NR2F2: variants seen among roughly 807,000 people sequenced by gnomAD.
NR2F2 encodes the protein COUP transcription factor 2.
NR2F2 carries 2 observed loss-of-function variants against 34.8 expected under a neutral mutation model. The ratio of observed to expected loss-of-function variants is 0.06; its 90% confidence interval spans 0.02 to 0.18. The LOEUF (loss-of-function observed/expected upper bound fraction) is 0.18, where lower values mean the gene tolerates loss of function less well. Ranked by LOEUF, NR2F2 falls within the 10% of genes least tolerant of loss-of-function variation. NR2F2 has a pLI of 1.00. For missense variants in NR2F2, 300 were observed against 580.1 expected (o/e 0.52, Z 4.96); for synonymous variants, 274 against 251.8 (o/e 1.09, Z -0.84).
At chr15:96,334,711 A>C in intron 2 of NR2F2, 108 bp downstream of exon 2, 3 of 1,260,578 alleles carry the variant, frequency 2.4e-6, no homozygotes, top group Non-Finnish European at 3.3e-6. Flanking sequence ...TTGAAAGGCC[A>C]AACTGTTGAG....
rs1555447012 is a variant in NR2F2, at chr15:96,332,352, G to A, written c.247G>A (p.Gly83Arg). 1 of 1,609,926 alleles carries A rather than the reference G, an allele frequency of 6.2e-7. No homozygotes were observed. The highest frequency in any genetic ancestry group is 8.5e-7 in the Non-Finnish European group (1 of 1,178,044). ...QQQHIECVVCGDKSSGKHYGQ... is the reference protein window; with the variant it reads ...QQQHIECVVCRDKSSGKHYGQ... ...GCAACACATCGAGTGCGTGGTGTGC[G>A]GAGACAAGTCGAGCGGCAAGCACTA... The change falls in exon 1 of 3, where the codon GGA becomes AGA. Residue 83 changes from glycine (G) to arginine (R), a missense_variant. By Grantham distance (125) the Gly-to-Arg change is moderately radical (BLOSUM62 -2). This residue lies in a region of NR2F2 where 13 missense variants were observed against 31.9 expected (regional missense o/e 0.41). Coordinates refer to ENST00000394166, the MANE Select transcript of NR2F2 (RefSeq NM_021005.4).
Position 96,330,784 on chromosome 15 carries a change from T to A in NR2F2, c.-1322T>A. On this transcript the variant is annotated 5_prime_UTR_variant, in exon 1 of 3. Coordinates refer to ENST00000394166, the MANE Select transcript of NR2F2 (RefSeq NM_021005.4). ...TTTTAGCATATTTGATCACTTTGAT[T>A]CTCTGTTCTTTTCTCTCCGCGGTGT... is the stretch of plus-strand genomic sequence containing the variant. 3.2e-6 allele frequency: 3 copies of A among 932,220 alleles called. No homozygotes were observed. The highest frequency in any genetic ancestry group is 4.0e-6 in the Non-Finnish European group (3 of 750,638). 57.7% of individuals were successfully genotyped at this position (932,220 alleles called of 1,614,324 possible).
chr15:96,331,127 C>G lies in NR2F2; in HGVS notation c.-979C>G. The G allele has an allele frequency of 1.7e-6, 2 of 1,149,796 alleles. No individual in the cohort carries two copies. The highest frequency in any genetic ancestry group is 1.1e-6 in the Non-Finnish European group (1 of 930,704). The allele number at this position is 1,149,796 out of a possible 1,614,324, so 71.2% of individuals were successfully genotyped here. A position where few individuals can be genotyped will look rare whatever the true frequency, so the allele number is the denominator to read the frequency against. ...CTTCAGCGGCGGCGGCGGCGCTAGA[C>G]GCAGCGGCTCCGGGCCCGACCCGGC... On this transcript the variant is annotated 5_prime_UTR_variant, in exon 1 of 3. Coordinates refer to ENST00000394166, the MANE Select transcript of NR2F2 (RefSeq NM_021005.4).
At chr15:96,335,773 A>T (rs1007860558) in intron 2 of NR2F2, among the ~76,000 whole-genome samples, 1 of 152,232 alleles carries the variant, frequency 6.6e-6, no homozygotes, top group Non-Finnish European at 1.5e-5. Flanking sequence ...AAGTCTGGGG[A>T]ACTAAGTCAT....
chr15:96,334,691 A>C, intron 2 of NR2F2, 88 bp downstream of exon 2: 2 of 1,438,700 alleles, frequency 1.4e-6, no homozygotes, highest in Non-Finnish European at 1.9e-6. Context: ...GGGCAAACCC[A>C]GTCTGCTCCT....
At position 96,337,651 on chromosome 15, in the gene NR2F2, CA is replaced by C. The variant is rs1365912360; in HGVS notation, c.*30del. 1.3e-6 allele frequency: 2 copies of C among 1,596,136 alleles called. No homozygotes were observed. The highest frequency in any genetic ancestry group is 3.5e-5 in the Admixed American group (2 of 57,906). ...AATAAAATAAGAAGGGGGAGTGAAA[CA>C]GAGAAAGAAAAGGCAAAAGACTGGT... On this transcript the variant is annotated 3_prime_UTR_variant, in exon 3 of 3. Coordinates refer to ENST00000394166, the MANE Select transcript of NR2F2 (RefSeq NM_021005.4).
At chr15:96,333,051 C>T (rs1259013010) in intron 1 of NR2F2, 1 of 155,348 alleles carries the variant, frequency 6.4e-6, no homozygotes, top group Non-Finnish European at 1.5e-5. Context: ...GGGCAGCGCT[C>T]ATGTGACCCT....
rs939817474 is a variant in NR2F2, at chr15:96,337,497, T to G, written c.1120T>G (p.Ser374Ala). 4.3e-6 allele frequency: 7 copies of G among 1,613,972 alleles called. No individual in the cohort carries two copies. The highest frequency in any genetic ancestry group is 5.1e-6 in the Non-Finnish European group (6 of 1,180,042). ...LLRLPSLRTVSSSVIEQLFFV... is the reference protein window; with the variant it reads ...LLRLPSLRTVASSVIEQLFFV... ...TCGCCTCCCTTCCCTCCGCACCGTC[T>G]CCTCCTCAGTCATAGAGCAATTGTT... is the stretch of plus-strand genomic sequence containing the variant. Residue 374 changes from serine to alanine, a missense_variant, in exon 3 of 3, where the codon TCC (serine) becomes GCC (alanine). Physicochemically the swap from Ser to Ala is moderately conservative, Grantham distance 99. Around this residue, in one of 6 missense-constraint regions of NR2F2, gnomAD observed 164 missense variants for 365.3 expected, o/e 0.45. Coordinates refer to ENST00000394166, the MANE Select transcript of NR2F2 (RefSeq NM_021005.4).
chr15:96,327,701 C>G (rs944522824), upstream of NR2F2, among the ~76,000 whole-genome samples: 1 of 152,206 alleles, frequency 6.6e-6, no homozygotes, highest in African/African-American at 2.4e-5. Context: ...GAGGACGGAA[C>G]TGGTTTCTAC....
chr15:96,337,128 G>A (rs1165665901), intron 2 of NR2F2, among the ~76,000 whole-genome samples: 1 of 152,006 alleles, frequency 6.6e-6, no homozygotes, highest in East Asian at 1.9e-4. Context: ...ACTTCCTCAG[G>A]ACCATCTCTT....
Position 96,334,254 on chromosome 15 carries a change from G to C in NR2F2, c.621G>C (p.Met207Ile). ...AATGCATGCAGCCCAACAACATCAT[G>C]GGTATCGAGAACATTTGCGAACTGG... ...GSQCMQPNNI[M>I]GIENICELAA... Residue 207 changes from methionine to isoleucine, a missense_variant, in exon 2 of 3, where the codon ATG becomes ATC. Physicochemically the swap from Met to Ile is conservative, Grantham distance 10. Transcript: ENST00000394166. 6.2e-7 allele frequency: 1 copy of C among 1,614,216 alleles called. No individual in the cohort carries two copies. Among genetic ancestry groups the C allele is most frequent in the Non-Finnish European group, 8.5e-7 (1 of 1,180,046 alleles).
At position 96,330,918 on chromosome 15, in the gene NR2F2, C is replaced by G; in HGVS notation, c.-1188C>G. The G allele has an allele frequency of 1.8e-6, 2 of 1,133,972 alleles. No individual in the cohort carries two copies. The highest frequency in any genetic ancestry group is 2.2e-6 in the Non-Finnish European group (2 of 923,564). The allele number at this position is 1,133,972 out of a possible 1,614,324, so 70.2% of individuals were successfully genotyped here. ...TTTTTTCCCCTCTTTCATTCTTTCT[C>G]TCCGTCTTTTTCTCCCCCCTCTGCG... On this transcript the variant is annotated 5_prime_UTR_variant, in exon 1 of 3. Transcript: ENST00000394166.
chr15:96,328,966 T>C (rs1053150243), upstream of NR2F2, among the ~76,000 whole-genome samples: 12 of 152,206 alleles, frequency 7.9e-5, no homozygotes, highest in African/African-American at 2.9e-4. Context: ...GTAAAGAGAA[T>C]TGAATGTAAA....
In NR2F2 at chr15:96,337,733, G is replaced by A; in HGVS notation, c.*111G>A. The A allele has an allele frequency of 1.0e-6, 1 of 965,598 alleles. No individual in the cohort carries two copies. The highest frequency in any genetic ancestry group is 1.4e-6 in the Non-Finnish European group (1 of 711,782). The allele number at this position is 965,598 out of a possible 1,614,324, so 59.8% of individuals were successfully genotyped here. ...GGATATAAAAGGATGTTACAAGTTT[G>A]CTAAAAGAAGAGAGGGGAAGAATTT... On this transcript the variant is annotated 3_prime_UTR_variant, in exon 3 of 3. Coordinates refer to ENST00000394166, the MANE Select transcript of NR2F2 (RefSeq NM_021005.4).
rs1038751227 is a variant in NR2F2 at position 96,330,967 on chromosome 15, G to A, written c.-1139G>A. 65 of 1,184,998 alleles carry A rather than the reference G, an allele frequency of 5.5e-5. No homozygotes were observed. Among genetic ancestry groups the A allele is most frequent in the Non-Finnish European group, 6.4e-5 (61 of 957,016 alleles). The allele number at this position is 1,184,998 out of a possible 1,614,324, so 73.4% of individuals were successfully genotyped here. The stretch of plus-strand genomic sequence containing the variant: ...CGCACGAAGGATGTGCTTCTAGGTG[G>A]TGATCTGCCCTCCTCTCTCTCTTTT... On this transcript the variant is annotated 5_prime_UTR_variant, in exon 1 of 3. It adds an upstream start codon to the 5' untranslated region. Transcript: ENST00000394166.
rs1899404722 is a variant in NR2F2, at chr15:96,338,642, T to C, written c.*1020T>C. Reference sequence around the variant, plus strand: ...TATAGGTAACGTGATTGATTCAGTATCTTAGAGTTTACAGTTTGTGTTTTA... The same window carrying C: ...TATAGGTAACGTGATTGATTCAGTACCTTAGAGTTTACAGTTTGTGTTTTA... On this transcript the variant is annotated 3_prime_UTR_variant, in exon 3 of 3. Transcript: ENST00000394166. 1 of 152,554 alleles carries C rather than the reference T, an allele frequency of 6.6e-6. No homozygotes were observed. Among genetic ancestry groups the C allele is most frequent in the South Asian group, 2.1e-4 (1 of 4,826 alleles). The allele number at this position is 152,554 out of a possible 1,614,324, so 9.5% of individuals were successfully genotyped here.
chr15:96,328,183 CA>C (rs1899042180), upstream of NR2F2, among the ~76,000 whole-genome samples: 1 of 152,074 alleles, frequency 6.6e-6, no homozygotes, highest in Admixed American at 6.5e-5. Context: ...TCCTAAAATA[CA>C]GAGTGAAACA....
chr15:96,327,926 C>T (rs1337360605), upstream of NR2F2, among the ~76,000 whole-genome samples: 1 of 152,126 alleles, frequency 6.6e-6, no homozygotes, highest in African/African-American at 2.4e-5. Flanking sequence ...AATAAATTTA[C>T]ATCTGCAAAA....
chr15:96,328,805 C>T (rs753083472), upstream of NR2F2, among the ~76,000 whole-genome samples: 1 of 149,612 alleles, frequency 6.7e-6, no homozygotes, highest in South Asian at 2.1e-4. Context: ...AAACCGAGAA[C>T]CTGCAGCTTT....
Sources: gnomAD v4.1 joint callset for allele counts (sites outside exome capture counted in the v4.1 genomes callset) on GRCh38, gnomAD v4.1.1 for gene constraint, gnomAD v4.1.1 regional missense constraint, MANE v1.5 for transcripts, NCBI Gene and HGNC (gene_info 2026-07-23, HGNC 2026-07-21) for gene names.